Variants in EVI5 observed in about 807,000 individuals in gnomAD.
EVI5 encodes ecotropic viral integration site 5 protein homolog.
Under a neutral mutation model 112.0 loss-of-function variants are expected in EVI5, and 73 were observed. The observed-to-expected ratio is 0.65, with a 90% confidence interval of 0.54 to 0.79. EVI5 has a LOEUF of 0.79. Ranked by LOEUF, EVI5 falls within the 30% of genes least tolerant of loss-of-function variation. The pLI, the probability that EVI5 is intolerant of heterozygous loss-of-function variation, is 0.00. For synonymous variants in EVI5, 305 were observed against 319.9 expected (o/e 0.95, Z 0.50); for missense variants, 900 against 968.8 (o/e 0.93, Z 0.94).
chr1:92,630,587 G>C (rs1431773528), intron 14 of EVI5, among the ~76,000 whole-genome samples: 1 of 152,114 alleles, frequency 6.6e-6, no homozygotes, highest in African/African-American at 2.4e-5. Flanking sequence ...CAGATAAGTA[G>C]ATTGCAAAAA....
chr1:92,621,737 A>T lies in EVI5; in HGVS notation c.1827+2439T>A, dbSNP rs187583007. 1.3e-4 allele frequency among the ~76,000 whole-genome samples: 20 copies of T among 152,370 alleles called. No individual in the cohort carries two copies. The East Asian group carries it at 3.7e-3, about 28-fold the overall frequency. On this transcript the variant is annotated intron_variant, in intron 16 of 19. Coordinates refer to ENST00000684568, the MANE Select transcript of EVI5 (RefSeq NM_001350197.2). ...ACAATCATTTATCAGACTGCATTTT[A>T]AAAAGTACCCATCTATATGTTGTTT... is the stretch of plus-strand genomic sequence containing the variant.
At chr1:92,522,707 A>G (rs1474872140) in intron 19 of EVI5, among the ~76,000 whole-genome samples, 3 of 150,286 alleles carry the variant, frequency 2.0e-5, no homozygotes, top group Non-Finnish European at 4.4e-5. Flanking sequence ...ACTTTGCATC[A>G]CTTTTTTGCT....
intron 18 of EVI5, among the ~76,000 whole-genome samples, chr1:92,565,965 A>AAAAAAAAAAAAAAAAAAAAAAG (rs1669403225): frequency 6.7e-6 from 1 of 149,754 alleles, no homozygotes; most frequent in South Asian, 2.2e-4. Context: ...AAAAAAAAAA[A>AAAAAAAAAAAAAAAAAAAAAAG]AAAGAAATGT....
chr1:92,762,876 C>G (rs953318092), intron 1 of EVI5, among the ~76,000 whole-genome samples: 3 of 152,080 alleles, frequency 2.0e-5, no homozygotes, highest in African/African-American at 7.2e-5. Context: ...ACAATATACA[C>G]TATCCAGGTG....
intron 19 of EVI5, among the ~76,000 whole-genome samples, chr1:92,547,135 T>C (rs576830109): frequency 1.3e-5 from 2 of 152,260 alleles, no homozygotes; most frequent in Admixed American, 6.5e-5. Flanking sequence ...GAATAGAAAT[T>C]ATAACAAACT....
At chr1:92,761,681 G>C (rs1361515055) in intron 1 of EVI5, among the ~76,000 whole-genome samples, 1 of 152,140 alleles carries the variant, frequency 6.6e-6, no homozygotes, top group Non-Finnish European at 1.5e-5. Context: ...ATATTGCCCA[G>C]GTTGGTCTCA....
At chr1:92,661,552 T>C (rs11800771) in intron 13 of EVI5, among the ~76,000 whole-genome samples, 29,761 of 152,072 alleles carry the variant, frequency 0.2, 3,462 homozygotes, top group Non-Finnish European at 0.26. Context: ...ATTCCTAATA[T>C]AAATCCACAA....
At chr1:92,586,687 G>C (rs1272699799) in intron 18 of EVI5, among the ~76,000 whole-genome samples, 4 of 144,480 alleles carry the variant, frequency 2.8e-5, no homozygotes, top group Non-Finnish European at 6.0e-5. Flanking sequence ...AGGTGCTCCA[G>C]GCTTATCTTC....
intron 18 of EVI5, among the ~76,000 whole-genome samples, chr1:92,596,837 CTATCTT>C (rs1337787742): frequency 6.6e-6 from 1 of 152,048 alleles, no homozygotes; most frequent in Non-Finnish European, 1.5e-5. Flanking sequence ...TTGTTAAAGA[CTATCTT>C]TAAGGAAACT....
At chr1:92,767,397 C>CATGCTACGCATATATACGCATAT (rs1553271543) in intron 1 of EVI5, among the ~76,000 whole-genome samples, 2 of 152,168 alleles carry the variant, frequency 1.3e-5, no homozygotes, top group Non-Finnish European at 2.9e-5. Context: ...CAGGTAAATA[C>CATGCTACGCATATATACGCATAT]ATGCTACGCA....
At chr1:92,669,956 T>C (rs1023331789) in intron 10 of EVI5, among the ~76,000 whole-genome samples, 3 of 152,112 alleles carry the variant, frequency 2.0e-5, no homozygotes, top group African/African-American at 7.2e-5. Flanking sequence ...GACAATTTTT[T>C]GACCTACCAA....
chr1:92,577,388 T>C (rs1436256812), intron 18 of EVI5, among the ~76,000 whole-genome samples: 1 of 152,200 alleles, frequency 6.6e-6, no homozygotes, highest in Non-Finnish European at 1.5e-5. Context: ...AGCCTGGAAG[T>C]TTTTGTACGG....
chr1:92,602,876 T>C (rs1298693075), intron 18 of EVI5, among the ~76,000 whole-genome samples: 1 of 152,112 alleles, frequency 6.6e-6, no homozygotes, highest in Non-Finnish European at 1.5e-5. Context: ...TTAAAAACTT[T>C]TGTGATAAAA....
At chr1:92,558,136 G>C (rs1033075647) in intron 19 of EVI5, among the ~76,000 whole-genome samples, 8 of 152,094 alleles carry the variant, frequency 5.3e-5, no homozygotes, top group African/African-American at 1.9e-4. Context: ...CTCCTTCTGG[G>C]ACTCCTGTGT....
In EVI5 at chr1:92,509,318, T is replaced by C. The variant is rs1292432559; in HGVS notation, c.*4338A>G. The C allele has an allele frequency of 6.6e-6, 1 of 152,604 alleles. No individual in the cohort carries two copies. The highest frequency in any genetic ancestry group is 6.5e-5 in the Admixed American group (1 of 15,268). The allele number at this position is 152,604 out of a possible 1,614,324, so 9.5% of individuals were successfully genotyped here. ...TTAACAAGCTGCATCATGTTCAGAATTGAGAAAAAGTTTTTCTCCTTCCCA... is the reference window on the plus strand; with the variant it reads ...TTAACAAGCTGCATCATGTTCAGAACTGAGAAAAAGTTTTTCTCCTTCCCA... On this transcript the variant is annotated 3_prime_UTR_variant, in exon 20 of 20. Transcript: ENST00000684568.
intron 17 of EVI5, 24 bp downstream of exon 17, chr1:92,607,557 A>C (rs1246430054): frequency 6.6e-7 from 1 of 1,525,072 alleles, no homozygotes; most frequent in Non-Finnish European, 8.8e-7. Flanking sequence ...ACAAAAAACA[A>C]AATCAGTTAG....
At chr1:92,724,738 G>A (rs1336090483) in intron 2 of EVI5, among the ~76,000 whole-genome samples, 1 of 152,086 alleles carries the variant, frequency 6.6e-6, no homozygotes, top group African/African-American at 2.4e-5. Flanking sequence ...AGCCCAGGAG[G>A]TCAAGGATGC....
intron 16 of EVI5, among the ~76,000 whole-genome samples, chr1:92,622,761 C>T (rs887386576): frequency 6.6e-6 from 1 of 152,152 alleles, no homozygotes; most frequent in Non-Finnish European, 1.5e-5. Flanking sequence ...CAGCAAAATC[C>T]ATCCAAAATC....
chr1:92,696,472 C>A (rs534997155), intron 6 of EVI5, among the ~76,000 whole-genome samples: 44 of 151,756 alleles, frequency 2.9e-4, no homozygotes, highest in African/African-American at 6.0e-4. Context: ...AATAAAAAAT[C>A]AAAATAGATA....
Sources: gnomAD v4.1 joint callset for allele counts (sites outside exome capture counted in the v4.1 genomes callset) on GRCh38, gnomAD v4.1.1 for gene constraint, MANE v1.5 for transcripts, NCBI Gene and HGNC (gene_info 2026-07-23, HGNC 2026-07-21) for gene names.